The following ADAM10 variants were observed in gnomAD, a reference collection of about 807,000 sequenced individuals.
ADAM10 encodes ADAM metallopeptidase domain 10.
ADAM10 carries 17 observed loss-of-function variants against 90.1 expected under a neutral mutation model. That is an observed-to-expected ratio of 0.19 (90% CI 0.13 to 0.28). The LOEUF (loss-of-function observed/expected upper bound fraction) is 0.28, where lower values mean the gene tolerates loss of function less well. Among genes scored for constraint, ADAM10 ranks in the 10% least tolerant of loss-of-function variants. The probability of loss-of-function intolerance (pLI) is 1.00; values close to 1 mark genes in which losing one functional copy is unlikely to be tolerated. For synonymous variants in ADAM10, 310 were observed against 298.6 expected (o/e 1.04, Z -0.40); for missense variants, 610 against 914.3 (o/e 0.67, Z 4.29).
intron 11 of ADAM10, among the ~76,000 whole-genome samples, chr15:58,615,013 G>A (rs1595992249): frequency 6.6e-6 from 1 of 152,122 alleles, no homozygotes; most frequent in African/African-American, 2.4e-5. Flanking sequence ...AGTGGCTCAC[G>A]CCTGTAATCC....
At chr15:58,634,640 T>A (rs1896200378) in intron 8 of ADAM10, among the ~76,000 whole-genome samples, 1 of 152,184 alleles carries the variant, frequency 6.6e-6, no homozygotes, top group Admixed American at 6.5e-5. Context: ...AAGATCATAT[T>A]TTCTTTTAAT....
intron 13 of ADAM10, chr15:58,610,738 G>A (rs1458965376): frequency 2.0e-5 from 13 of 648,694 alleles, no homozygotes; most frequent in Non-Finnish European, 3.0e-5. Flanking sequence ...CAGTGTCCAC[G>A]ATGACTTAAA....
At chr15:58,709,329 T>C (rs975456343) in intron 2 of ADAM10, among the ~76,000 whole-genome samples, 5 of 152,184 alleles carry the variant, frequency 3.3e-5, no homozygotes, top group Admixed American at 3.3e-4. Flanking sequence ...TGAAACATTT[T>C]AGCATGAAAT....
intron 1 of ADAM10, among the ~76,000 whole-genome samples, chr15:58,729,696 G>A (rs1204183189): frequency 6.6e-6 from 1 of 152,192 alleles, no homozygotes; most frequent in Admixed American, 6.5e-5. Context: ...AGGCGCAGGG[G>A]CTCACGCTTG....
At chr15:58,618,991 C>A (rs1188159080) in intron 11 of ADAM10, among the ~76,000 whole-genome samples, 1 of 151,866 alleles carries the variant, frequency 6.6e-6, no homozygotes, top group Non-Finnish European at 1.5e-5. Flanking sequence ...CTATATGATC[C>A]AGCTGGGTAT....
intron 4 of ADAM10, among the ~76,000 whole-genome samples, chr15:58,676,563 T>C (rs1897304950): frequency 6.6e-6 from 1 of 152,140 alleles, no homozygotes; most frequent in Non-Finnish European, 1.5e-5. Context: ...TTCCACATTT[T>C]TAAATGGTTA....
chr15:58,719,784 C>G (rs896250998), intron 1 of ADAM10, among the ~76,000 whole-genome samples: 2 of 152,114 alleles, frequency 1.3e-5, no homozygotes, highest in Admixed American at 6.5e-5. Flanking sequence ...TTTCCCAGAT[C>G]GAATAGAAAA....
chr15:58,656,770 C>A (rs945570699), intron 5 of ADAM10, among the ~76,000 whole-genome samples: 2 of 152,060 alleles, frequency 1.3e-5, no homozygotes, highest in African/African-American at 2.4e-5. Context: ...ATTCTGTGTA[C>A]TTATTATTAC....
At chr15:58,686,938 T>C (rs1300455580) in intron 2 of ADAM10, among the ~76,000 whole-genome samples, 3 of 152,192 alleles carry the variant, frequency 2.0e-5, no homozygotes, top group Admixed American at 2.0e-4. Flanking sequence ...TTTCTATACC[T>C]GGAATATCAT....
intron 4 of ADAM10, among the ~76,000 whole-genome samples, chr15:58,670,923 AT>A (rs1456156218): frequency 4.6e-5 from 7 of 152,180 alleles, no homozygotes; most frequent in Admixed American, 4.6e-4. Flanking sequence ...TAGCACCATG[AT>A]CTAACACCCT....
chr15:58,655,800 G>A (rs1896815731), intron 5 of ADAM10, among the ~76,000 whole-genome samples: 1 of 125,542 alleles, frequency 8.0e-6, no homozygotes, highest in Non-Finnish European at 1.6e-5. Context: ...AGACTGGAGT[G>A]CAGTGGCCGG....
intron 14 of ADAM10, chr15:58,609,260 C>T (rs1895367129): frequency 6.6e-6 from 1 of 152,172 alleles, no homozygotes; most frequent in African/African-American, 2.4e-5. Context: ...GTTAAGTCAA[C>T]TGCTCAAGTA....
intron 1 of ADAM10, among the ~76,000 whole-genome samples, chr15:58,731,141 C>A (rs1425701198): frequency 6.6e-6 from 1 of 152,102 alleles, no homozygotes; most frequent in African/African-American, 2.4e-5. Context: ...CCTCTGTATT[C>A]ATGGGTTCTG....
At chr15:58,602,016 C>T (rs1424235900) in intron 14 of ADAM10, among the ~76,000 whole-genome samples, 2 of 152,122 alleles carry the variant, frequency 1.3e-5, no homozygotes, top group Admixed American at 1.3e-4. Flanking sequence ...CAAATTTTAC[C>T]ATGATTCTTG....
chr15:58,611,758 A>C, intron 12 of ADAM10, 50 bp downstream of exon 12: 1 of 1,570,222 alleles, frequency 6.4e-7, no homozygotes, highest in Non-Finnish European at 8.7e-7. Flanking sequence ...ATTCTTCTGA[A>C]AAACAAGTTT....
chr15:58,726,715 T>C (rs1473129456), intron 1 of ADAM10, among the ~76,000 whole-genome samples: 1 of 151,098 alleles, frequency 6.6e-6, no homozygotes, highest in Non-Finnish European at 1.5e-5. Flanking sequence ...AAGTAAATGA[T>C]CCAGCTGAGT....
intron 4 of ADAM10, among the ~76,000 whole-genome samples, chr15:58,666,895 T>C (rs1405768151): frequency 2.6e-5 from 4 of 152,082 alleles, no homozygotes; most frequent in East Asian, 1.9e-4. Context: ...ACTCTCCCAA[T>C]AGAAAGGGTC....
chr15:58,610,625 AC>A, intron 13 of ADAM10, 108 bp from the exon 14 acceptor site: 1 of 1,061,230 alleles, frequency 9.4e-7, no homozygotes, highest in Non-Finnish European at 1.4e-6. Flanking sequence ...TGAAATCATT[AC>A]CATAACATGT....
At chr15:58,663,489 T>C (rs1897015712) in intron 5 of ADAM10, among the ~76,000 whole-genome samples, 1 of 152,024 alleles carries the variant, frequency 6.6e-6, no homozygotes, top group South Asian at 2.1e-4. Context: ...CTAGGGTAAA[T>C]CCCTCTTTCC....
Sources: allele counts gnomAD v4.1 joint callset (sites outside exome capture counted in the v4.1 genomes callset), GRCh38; gene constraint gnomAD v4.1.1; transcripts MANE v1.5; gene names NCBI Gene and HGNC (gene_info 2026-07-23, HGNC 2026-07-21).